Variants in PPARGC1B observed in about 807,000 individuals in gnomAD.
PPARGC1B encodes PPARG coactivator 1 beta, also known as peroxisome proliferator-activated receptor gamma coactivator 1-beta.
PPARGC1B carries 34 observed loss-of-function variants against 101.6 expected under a neutral mutation model. That is an observed-to-expected ratio of 0.33 (90% CI 0.25 to 0.45). The LOEUF (loss-of-function observed/expected upper bound fraction) is 0.45, where lower values mean the gene tolerates loss of function less well. PPARGC1B is among the 20% of genes least tolerant of loss of function. PPARGC1B has a pLI of 1.00. For synonymous variants in PPARGC1B, 548 were observed against 539.3 expected, an observed-to-expected ratio of 1.02 and a Z score of -0.22; for missense variants, 1,234 against 1,317.6, an observed-to-expected ratio of 0.94 and a Z score of 0.98.
At chr5:149,731,834 T>G (rs1754485712) in intron 1 of PPARGC1B, among the ~76,000 whole-genome samples, 1 of 151,956 alleles carries the variant, frequency 6.6e-6, no homozygotes, top group Non-Finnish European at 1.5e-5. Flanking sequence ...CGGCGTGGCG[T>G]GGCAGGGTGT....
At chr5:149,825,862 G>T (rs756566469) in intron 2 of PPARGC1B, among the ~76,000 whole-genome samples, 39 of 152,186 alleles carry the variant, frequency 2.6e-4, no homozygotes, top group Admixed American at 4.6e-4. Context: ...GGCAGAAATC[G>T]TGTAACAGTA....
intron 1 of PPARGC1B, among the ~76,000 whole-genome samples, chr5:149,782,365 T>A (rs924095096): frequency 2.6e-5 from 4 of 152,148 alleles, no homozygotes; most frequent in Non-Finnish European, 5.9e-5. Flanking sequence ...CAACCTTCCT[T>A]CTCCCCAAGC....
At chr5:149,822,319 G>C (rs948791192) in intron 2 of PPARGC1B, among the ~76,000 whole-genome samples, 18 of 152,298 alleles carry the variant, frequency 1.2e-4, no homozygotes, top group Admixed American at 3.3e-4. Flanking sequence ...GCACAAGTAA[G>C]CTTGGTGCGG....
chr5:149,751,709 G>GA (rs571988950), intron 1 of PPARGC1B, among the ~76,000 whole-genome samples: 185 of 107,710 alleles, frequency 1.7e-3, no homozygotes, highest in Middle Eastern at 4.7e-3. Context: ...CTGTCCAAAA[G>GA]AAAAAAAAAA....
chr5:149,784,571 T>TTTTTTTTTTTTTA (rs1756723284), intron 1 of PPARGC1B, among the ~76,000 whole-genome samples: 1 of 141,714 alleles, frequency 7.1e-6, no homozygotes, highest in Admixed American at 7.2e-5. Flanking sequence ...TTTTTTTTTT[T>TTTTTTTTTTTTTA]TTTTTTTTTT....
intron 1 of PPARGC1B, among the ~76,000 whole-genome samples, chr5:149,781,797 C>T (rs973525926): frequency 6.6e-6 from 1 of 152,086 alleles, no homozygotes; most frequent in Non-Finnish European, 1.5e-5. Flanking sequence ...AATCAATCAC[C>T]ACACTCTTTC....
chr5:149,795,645 G>GGA (rs1757182345), intron 1 of PPARGC1B, among the ~76,000 whole-genome samples: 1 of 152,184 alleles, frequency 6.6e-6, no homozygotes. Context: ...TCAGGGCAGA[G>GGA]GACGCAGGAG....
rs1759760278 is a variant in PPARGC1B at position 149,851,497 on chromosome 5, T to C, written c.*3939T>C. 6.6e-6 allele frequency: 1 copy of C among 152,232 alleles called. No homozygotes were observed. Among genetic ancestry groups the C allele is most frequent in the African/African-American group, 2.4e-5 (1 of 41,452 alleles). 9.4% of individuals were successfully genotyped at this position (152,232 alleles called of 1,614,324 possible). On this transcript the variant is annotated 3_prime_UTR_variant, in exon 12 of 12. Transcript: ENST00000309241. ...CAGTATTTTTTTAGCATTTGAGATTTAGCAGCTGCCTTCAGTTTGGGGTTA... is the reference window on the plus strand; with the variant it reads ...CAGTATTTTTTTAGCATTTGAGATTCAGCAGCTGCCTTCAGTTTGGGGTTA...
In PPARGC1B at chr5:149,837,215, T is replaced by C; in HGVS notation, c.2618+142T>C. ...TCTCCCAGTGTGGCCCATGTCTTGGTCAGGAGCCTTGAAGGTGGTCTTCTG... is the reference window on the plus strand; with the variant it reads ...TCTCCCAGTGTGGCCCATGTCTTGGCCAGGAGCCTTGAAGGTGGTCTTCTG... On this transcript the variant is annotated intron_variant, in intron 8 of 11. Coordinates refer to ENST00000309241, the MANE Select transcript of PPARGC1B (RefSeq NM_133263.4). This position sits in a 1 kb window ranked among gnomAD's most constrained non-coding sequence, Gnocchi z 4.2. 1 of 1,344,810 alleles carries C rather than the reference T, an allele frequency of 7.4e-7. No homozygotes were observed. The highest frequency in any genetic ancestry group is 9.9e-7 in the Non-Finnish European group (1 of 1,011,046). The allele number at this position is 1,344,810 out of a possible 1,614,324, so 83.3% of individuals were successfully genotyped here.
rs140484730 is a variant in PPARGC1B, at chr5:149,734,247, G to A, written c.78+3827G>A. Among the ~76,000 whole-genome samples the A allele has an allele frequency of 5.2e-3, 780 of 150,480 alleles. 9 individuals are homozygous for A. The highest frequency in any genetic ancestry group is 0.018 in the African/African-American group (736 of 40,974). ...TGAGGCAGGAGAATCGCTTGAACCC[G>A]GGAGGCGGAGGTTGCAGTGAGCCGA... On this transcript the variant is annotated intron_variant, in intron 1 of 11. Transcript: ENST00000309241.
At position 149,837,197 on chromosome 5, in the gene PPARGC1B, G is replaced by T; in HGVS notation, c.2618+124G>T. The stretch of plus-strand genomic sequence containing the variant: ...TCTGAAACTGAGGCTGCATCTCCCA[G>T]TGTGGCCCATGTCTTGGTCAGGAGC... On this transcript the variant is annotated intron_variant, in intron 8 of 11. Coordinates refer to ENST00000309241, the MANE Select transcript of PPARGC1B (RefSeq NM_133263.4). The surrounding 1 kb of genome is among the most constrained non-coding windows in gnomAD (Gnocchi z 4.2). 11 of 1,424,146 alleles carry T rather than the reference G, an allele frequency of 7.7e-6. No homozygotes were observed. Among genetic ancestry groups the T allele is most frequent in the Non-Finnish European group, 9.3e-6 (10 of 1,072,046 alleles). 88.2% of individuals were successfully genotyped at this position (1,424,146 alleles called of 1,614,324 possible). A position where few individuals can be genotyped will look rare whatever the true frequency, so the allele number is the denominator to read the frequency against.
In PPARGC1B at chr5:149,830,813, A is replaced by G. The variant is rs147369640; in HGVS notation, c.512A>G (p.Asp171Gly). Reference sequence around the variant, plus strand: ...ACATCCTACCCAACATCAAGCTCTGACACCCAGAAGGAAGGGACCGCCTGG... The same window carrying G: ...ACATCCTACCCAACATCAAGCTCTGGCACCCAGAAGGAAGGGACCGCCTGG... ...LATSYPTSSS[D>G]TQKEGTAWRQ... Residue 171 changes from aspartate (D) to glycine (G), a missense_variant, in exon 4 of 12, where the codon GAC becomes GGC. Coordinates refer to ENST00000309241, the MANE Select transcript of PPARGC1B (RefSeq NM_133263.4). The G allele has an allele frequency of 9.4e-5, 151 of 1,614,018 alleles. No homozygotes were observed. Among genetic ancestry groups the G allele is most frequent in the Middle Eastern group, 1.6e-4 (1 of 6,084 alleles).
In PPARGC1B at chr5:149,847,795, C is replaced by T. The variant is rs764176976; in HGVS notation, c.*237C>T. 2.9e-5 allele frequency: 15 copies of T among 525,402 alleles called. No individual in the cohort carries two copies. The highest frequency in any genetic ancestry group is 2.6e-4 in the Admixed American group (8 of 30,248). The allele number at this position is 525,402 out of a possible 1,614,324, so 32.5% of individuals were successfully genotyped here. ...TGACGTTCCACTGCCACATTAGTGT[C>T]CTCGCTTCCAACGGGTTGTCCCGGG... On this transcript the variant is annotated 3_prime_UTR_variant, in exon 12 of 12. Transcript: ENST00000309241.
chr5:149,782,070 C>T (rs1056536734), intron 1 of PPARGC1B, among the ~76,000 whole-genome samples: 8 of 151,326 alleles, frequency 5.3e-5, no homozygotes, highest in Non-Finnish European at 8.8e-5. Context: ...TGGTGGAGGT[C>T]GTAGTGGGCT....
chr5:149,748,324 T>TATAG (rs1755163855), intron 1 of PPARGC1B, among the ~76,000 whole-genome samples: 3 of 74,394 alleles, frequency 4.0e-5, no homozygotes, highest in South Asian at 9.1e-4. Flanking sequence ...TATAGATATA[T>TATAG]CTATATATAT....
At chr5:149,790,443 G>A (rs1756975374) in intron 1 of PPARGC1B, among the ~76,000 whole-genome samples, 1 of 152,104 alleles carries the variant, frequency 6.6e-6, no homozygotes, top group Non-Finnish European at 1.5e-5. Flanking sequence ...CAGGTCTGCA[G>A]TCATCGGCTT....
chr5:149,825,981 A>C (rs558167551), intron 2 of PPARGC1B, among the ~76,000 whole-genome samples: 1 of 152,306 alleles, frequency 6.6e-6, no homozygotes, highest in East Asian at 1.9e-4. Flanking sequence ...TTACTCATCT[A>C]GTCCTCAGCA....
Position 149,851,877 on chromosome 5 carries a change from A to G in PPARGC1B, c.*4319A>G, listed in dbSNP as rs1309110091. 1 of 152,300 alleles carries G rather than the reference A, an allele frequency of 6.6e-6. No individual in the cohort carries two copies. The highest frequency in any genetic ancestry group is 1.5e-5 in the Non-Finnish European group (1 of 68,076). The allele number at this position is 152,300 out of a possible 1,614,324, so 9.4% of individuals were successfully genotyped here. A position where few individuals can be genotyped will look rare whatever the true frequency, so the allele number is the denominator to read the frequency against. ...ACACCCAGGAAGTAGGCAAAGGCTG[A>G]CTTTGCATTAAACAATAAAAGCACT... is the stretch of plus-strand genomic sequence containing the variant. On this transcript the variant is annotated 3_prime_UTR_variant, in exon 12 of 12. Coordinates refer to ENST00000309241, the MANE Select transcript of PPARGC1B (RefSeq NM_133263.4).
chr5:149,773,026 C>T (rs1756204926), intron 1 of PPARGC1B, among the ~76,000 whole-genome samples: 1 of 152,104 alleles, frequency 6.6e-6, no homozygotes. Context: ...GTCTTTGTTG[C>T]AGATATTTTC....
Sources: gnomAD v4.1 joint callset for allele counts (sites outside exome capture counted in the v4.1 genomes callset) on GRCh38, gnomAD v4.1.1 for gene constraint, Gnocchi (gnomAD v3.1) non-coding constraint, MANE v1.5 for transcripts, NCBI Gene and HGNC (gene_info 2026-07-23, HGNC 2026-07-21) for gene names.